EPS15: variants seen among roughly 807,000 people sequenced by gnomAD.
The protein encoded by EPS15 is epidermal growth factor receptor pathway substrate 15.
Under a neutral mutation model 113.8 loss-of-function variants are expected in EPS15, and 72 were observed. The observed-to-expected ratio is 0.63, with a 90% CI of 0.52 to 0.77. The LOEUF is 0.77. Ranked by LOEUF, EPS15 falls within the 30% of genes least tolerant of loss-of-function variation. The pLI is 0.00. For missense variants in EPS15, 1,048 were observed against 1,045.8 expected, an observed-to-expected ratio of 1.00 and a Z score of -0.03; for synonymous variants, 344 against 363.4, an observed-to-expected ratio of 0.95 and a Z score of 0.61.
chr1:51,399,794 G>A (rs756608997), intron 19 of EPS15, among the ~76,000 whole-genome samples: 5 of 152,024 alleles, frequency 3.3e-5, no homozygotes, highest in African/African-American at 4.8e-5. Flanking sequence ...CATGGGAGGC[G>A]GAGGTTGCAG....
At chr1:51,508,234 A>AGAGAGAGAGAGAGAGAGAGAGAG (rs1557536346) in intron 1 of EPS15, among the ~76,000 whole-genome samples, 1 of 95,002 alleles carries the variant, frequency 1.1e-5, no homozygotes, top group African/African-American at 4.3e-5. Flanking sequence ...AAAAGAAAAG[A>AGAGAGAGAGAGAGAGAGAGAGAG]AAAGAAAGAG....
In EPS15 at chr1:51,403,564, T is replaced by C. The variant is rs372711247; in HGVS notation, c.1678-32A>G. The C allele has an allele frequency of 6.3e-6, 8 of 1,261,776 alleles. 1 individual carries two copies. In the Admixed American group the frequency reaches 6.8e-5, roughly 11 times the overall value. The allele number at this position is 1,261,776 out of a possible 1,614,324, so 78.2% of individuals were successfully genotyped here. A position where few individuals can be genotyped will look rare whatever the true frequency, so the allele number is the denominator to read the frequency against. On this transcript the variant is annotated intron_variant, in intron 16 of 24. Coordinates refer to ENST00000371733, the MANE Select transcript of EPS15 (RefSeq NM_001981.3). ...AATATTAATGCAAGTAGATTAACAA[T>C]ATACTTTTTGACATGGCAGAGAAAA...
At chr1:51,385,946 G>A (rs189783862) in intron 21 of EPS15, among the ~76,000 whole-genome samples, 1 of 152,226 alleles carries the variant, frequency 6.6e-6, no homozygotes, top group East Asian at 1.9e-4. Flanking sequence ...AAAAGTTCTT[G>A]AGATGGATGG....
chr1:51,408,162 T>C lies in EPS15; in HGVS notation c.1446A>G (p.Leu482=), dbSNP rs549919849. ...AACTAATTTCCTGTTGTGAATCTTGTAGGTGCTGCTGAAGAGGTTCCAACT... is the reference window on the plus strand; with the variant it reads ...AACTAATTTCCTGTTGTGAATCTTGCAGGTGCTGCTGAAGAGGTTCCAACT... ...KAQLEPLQQH[L]QDSQQEISSM... Residue 482 remains leucine (L), a synonymous_variant, in exon 15 of 25, where the codon CTA becomes CTG. Coordinates refer to ENST00000371733, the MANE Select transcript of EPS15 (RefSeq NM_001981.3). 6.8e-6 allele frequency: 11 copies of C among 1,614,158 alleles called. No homozygotes were observed. The Admixed American group carries it at 1.2e-4, about 17-fold the overall frequency.
chr1:51,440,277 CTGTGTGTGTGTGTGTGTGTGTGTGTG>C, intron 12 of EPS15, 44 bp downstream of exon 12: 2 of 443,958 alleles, frequency 4.5e-6, no homozygotes, highest in Non-Finnish European at 8.2e-6. Flanking sequence ...TATACATGTA[CTGTGTGTGTGTGTGTGTGTGTGTGTG>C]TGTGTGTGTG....
Position 51,415,665 on chromosome 1 carries a change from G to A in EPS15, c.1114-5969C>T, listed in dbSNP as rs775049094. On this transcript the variant is annotated intron_variant, in intron 13 of 24. Coordinates refer to ENST00000371733, the MANE Select transcript of EPS15 (RefSeq NM_001981.3). ...TAAAAAATTAGCCAGGCGTGGTGGC[G>A]GATGCCTGTAATCCCAGCTACTTGG... Among the ~76,000 whole-genome samples the A allele has an allele frequency of 1.2e-4, 18 of 151,044 alleles. 1 individual carries two copies. Among genetic ancestry groups the A allele is most frequent in the South Asian group, 4.2e-4 (2 of 4,794 alleles).
At chr1:51,434,507 G>A (rs568860571) in intron 12 of EPS15, among the ~76,000 whole-genome samples, 1 of 152,276 alleles carries the variant, frequency 6.6e-6, no homozygotes, top group South Asian at 2.1e-4. Flanking sequence ...AAATCATAGA[G>A]ATAGAAAGTA....
chr1:51,391,121 A>G (rs1446533975), intron 21 of EPS15, among the ~76,000 whole-genome samples: 1 of 152,250 alleles, frequency 6.6e-6, no homozygotes, highest in Non-Finnish European at 1.5e-5. Context: ...ACACCATGGA[A>G]TACTATGGAG....
intron 13 of EPS15, among the ~76,000 whole-genome samples, chr1:51,416,767 C>T (rs1197083007): frequency 6.6e-6 from 1 of 151,692 alleles, no homozygotes; most frequent in African/African-American, 2.4e-5. Context: ...AACCTTTTAA[C>T]TCTGTATTTT....
At chr1:51,376,168 T>C (rs536013972) in intron 21 of EPS15, among the ~76,000 whole-genome samples, 2 of 152,364 alleles carry the variant, frequency 1.3e-5, no homozygotes, top group East Asian at 3.9e-4. Context: ...ATGGGGCTAA[T>C]GCAGCTGTGG....
chr1:51,384,934 A>G (rs1397441872), intron 21 of EPS15, among the ~76,000 whole-genome samples: 1 of 152,238 alleles, frequency 6.6e-6, no homozygotes, highest in Admixed American at 6.5e-5. Context: ...CACACAATAT[A>G]CAAAAATTAA....
At chr1:51,385,200 A>G (rs1337264291) in intron 21 of EPS15, among the ~76,000 whole-genome samples, 1 of 152,228 alleles carries the variant, frequency 6.6e-6, no homozygotes, top group Admixed American at 6.5e-5. Context: ...TAAGGGGTTA[A>G]TATCTAGGAT....
Position 51,403,541 on chromosome 1 carries a change from T to C in EPS15, c.1678-9A>G. 6.8e-7 allele frequency: 1 copy of C among 1,468,234 alleles called. No individual in the cohort carries two copies. Among genetic ancestry groups the C allele is most frequent in the South Asian group, 1.2e-5 (1 of 80,606 alleles). The allele number at this position is 1,468,234 out of a possible 1,614,324, so 91.0% of individuals were successfully genotyped here. A position where few individuals can be genotyped will look rare whatever the true frequency, so the allele number is the denominator to read the frequency against. On this transcript the variant is annotated splice_polypyrimidine_tract_variant and intron_variant, in intron 16 of 24. Coordinates refer to ENST00000371733, the MANE Select transcript of EPS15 (RefSeq NM_001981.3). Reference sequence around the variant, plus strand: ...TCAGGACTACTTCTTGCCTACAAAATATTAATGCAAGTAGATTAACAATAT... The same window carrying C: ...TCAGGACTACTTCTTGCCTACAAAACATTAATGCAAGTAGATTAACAATAT...
intron 2 of EPS15, among the ~76,000 whole-genome samples, chr1:51,480,457 T>C (rs985326437): frequency 2.0e-5 from 3 of 152,178 alleles, no homozygotes; most frequent in African/African-American, 7.2e-5. Flanking sequence ...CCAACACAAA[T>C]GAATATTGTC....
chr1:51,426,817 G>GTCTCTCTCTC (rs35528783), intron 12 of EPS15, among the ~76,000 whole-genome samples: 66 of 145,732 alleles, frequency 4.5e-4, no homozygotes, highest in African/African-American at 9.6e-4. Flanking sequence ...AAATAAATCT[G>GTCTCTCTCTC]TCTCTCTCTC....
chr1:51,472,790 T>C lies in EPS15; in HGVS notation c.165+69A>G, dbSNP rs1187418975. 11 of 1,151,816 alleles carry C rather than the reference T, an allele frequency of 9.6e-6. No individual in the cohort carries two copies. In the Admixed American group the frequency reaches 1.7e-4, roughly 18 times the overall value. 71.3% of individuals were successfully genotyped at this position (1,151,816 alleles called of 1,614,324 possible). On this transcript the variant is annotated intron_variant, in intron 3 of 24. Coordinates refer to ENST00000371733, the MANE Select transcript of EPS15 (RefSeq NM_001981.3). ...TTTCTTGATGGCATCTTTCTAAATT[T>C]GCATCCAGTTCATCTATAGTACACA...
chr1:51,417,588 T>C (rs1424177366), intron 13 of EPS15, among the ~76,000 whole-genome samples: 3 of 152,200 alleles, frequency 2.0e-5, no homozygotes, highest in Non-Finnish European at 4.4e-5. Context: ...AGGTAACATA[T>C]GGTTCATGCC....
At chr1:51,382,513 G>T (rs1383399306) in intron 21 of EPS15, 1 of 150,088 alleles carries the variant, frequency 6.7e-6, no homozygotes, top group Admixed American at 6.7e-5. Flanking sequence ...CCACATCCCA[G>T]GTTCAAGAGA....
chr1:51,430,727 G>A lies in EPS15; in HGVS notation c.1041-8869C>T, dbSNP rs72910256. On this transcript the variant is annotated intron_variant, in intron 12 of 24. Coordinates refer to ENST00000371733, the MANE Select transcript of EPS15 (RefSeq NM_001981.3). Reference sequence around the variant, plus strand: ...TCTGAACACTTTGGGAGGCTGAAGTGGGAGGACCACTTGAGCCAAGAGTTT... The same window carrying A: ...TCTGAACACTTTGGGAGGCTGAAGTAGGAGGACCACTTGAGCCAAGAGTTT... Among the ~76,000 whole-genome samples the A allele has an allele frequency of 7.4e-3, 1,121 of 152,162 alleles. 14 individuals carry two copies. Among genetic ancestry groups the A allele is most frequent in the African/African-American group, 0.026 (1,077 of 41,518 alleles).
Sources: allele counts gnomAD v4.1 joint callset (sites outside exome capture counted in the v4.1 genomes callset), GRCh38; gene constraint gnomAD v4.1.1; transcripts MANE v1.5; gene names NCBI Gene and HGNC (gene_info 2026-07-23, HGNC 2026-07-21).